The following CIDEA variants were observed in gnomAD, a reference collection of about 807,000 sequenced individuals.
CIDEA encodes the protein lipid transferase CIDEA.
In CIDEA, 10 loss-of-function variants were observed where a neutral mutation model predicts 18.2. The observed-to-expected ratio is 0.55, with a 90% CI of 0.34 to 0.93. The LOEUF (loss-of-function observed/expected upper bound fraction) is 0.93, where lower values mean the gene tolerates loss of function less well. Ranked by LOEUF, CIDEA falls within the 40% of genes least tolerant of loss-of-function variation. The probability of loss-of-function intolerance (pLI) is 0.02; values close to 1 mark genes in which losing one functional copy is unlikely to be tolerated. For missense variants in CIDEA, 309 were observed against 293.1 expected, an observed-to-expected ratio of 1.05 and a Z score of -0.40; for synonymous variants, 128 against 124.8, an observed-to-expected ratio of 1.03 and a Z score of -0.17.
intron 1 of CIDEA, among the ~76,000 whole-genome samples, chr18:12,256,666 AT>A (rs1912044729): frequency 1.3e-5 from 2 of 152,266 alleles, no homozygotes; most frequent in South Asian, 4.1e-4. Context: ...TATCTAGCAC[AT>A]TTTTCCTTTC....
At chr18:12,255,030 G>A (rs775124827) in intron 1 of CIDEA, 3 of 976,030 alleles carry the variant, frequency 3.1e-6, no homozygotes, top group Non-Finnish European at 1.3e-6. Context: ...GGGAGCAGGG[G>A]GGACAAGGGG....
chr18:12,264,437 G>T lies in CIDEA; in HGVS notation c.314G>T (p.Gly105Val), dbSNP rs749676549. 3.1e-6 allele frequency: 5 copies of T among 1,613,820 alleles called. No homozygotes were observed. Among genetic ancestry groups the T allele is most frequent in the Admixed American group, 1.7e-5 (1 of 59,978 alleles). Residue 105 changes from glycine (G) to valine (V), a missense_variant, in exon 3 of 5, where the codon GGA becomes GTA. Physicochemically the swap from Gly to Val is moderately radical, Grantham distance 109. Coordinates refer to ENST00000320477, the MANE Select transcript of CIDEA (RefSeq NM_001279.4). ...DNTHFMILEK[G>V]QKWMPGSQHV... ...ACGCATTTCATGATCTTGGAAAAAGGACAGAAGTGGATGCCGGTAAGCAAA... is the reference window on the plus strand; with the variant it reads ...ACGCATTTCATGATCTTGGAAAAAGTACAGAAGTGGATGCCGGTAAGCAAA...
chr18:12,273,914 A>C (rs1057424268), intron 3 of CIDEA, among the ~76,000 whole-genome samples, 179 bp from the exon 4 acceptor site: 12 of 152,226 alleles, frequency 7.9e-5, no homozygotes, highest in South Asian at 2.1e-4. Context: ...CTAATTGGAC[A>C]CAGTCGTAGT....
At chr18:12,256,456 G>A (rs1179120452) in intron 1 of CIDEA, among the ~76,000 whole-genome samples, 1 of 152,226 alleles carries the variant, frequency 6.6e-6, no homozygotes, top group Admixed American at 6.5e-5. Context: ...ATCGTTAGGG[G>A]CCTTGGTCCT....
At chr18:12,261,077 T>A (rs947257326) in intron 1 of CIDEA, among the ~76,000 whole-genome samples, 1 of 152,198 alleles carries the variant, frequency 6.6e-6, no homozygotes, top group African/African-American at 2.4e-5. Context: ...TTGTTATGAA[T>A]CTATTTCTGA....
chr18:12,271,687 C>T (rs1192656355), intron 3 of CIDEA, among the ~76,000 whole-genome samples: 1 of 152,080 alleles, frequency 6.6e-6, no homozygotes, highest in East Asian at 1.9e-4. Context: ...TAGATGCCAC[C>T]GCCGGCCACG....
chr18:12,274,279 C>T lies in CIDEA; in HGVS notation c.512+5C>T. On this transcript the variant is annotated splice_donor_5th_base_variant and intron_variant, in intron 4 of 4. Transcript: ENST00000320477. ...GGGACTCAAGGGCCTGCTGAGGTAA[C>T]ACACTCCAGGGGTCACCTCCGGGGG... The T allele has an allele frequency of 6.2e-7, 1 of 1,613,970 alleles. No homozygotes were observed.
intron 1 of CIDEA, among the ~76,000 whole-genome samples, chr18:12,256,772 G>A (rs1401926314): frequency 6.6e-6 from 1 of 152,156 alleles, no homozygotes; most frequent in Non-Finnish European, 1.5e-5. Context: ...TATGCTACAA[G>A]TCAATCTCTC....
At position 12,264,336 on chromosome 18, in the gene CIDEA, A is replaced by G. The variant is rs142556726; in HGVS notation, c.213A>G (p.Gly71=). Residue 71 remains glycine, a synonymous_variant, in exon 3 of 5, where the codon GGA becomes GGG. Transcript: ENST00000320477. ...KTLDALVIAT[G]LVTLVLEEDG... ...TGGATGCCCTCGTCATCGCTACCGG[A>G]CTGGTCACTCTGGTGCTGGAGGAAG... 4 of 1,613,562 alleles carry G rather than the reference A, an allele frequency of 2.5e-6. No homozygotes were observed. Among genetic ancestry groups the G allele is most frequent in the Non-Finnish European group, 3.4e-6 (4 of 1,179,766 alleles).
At chr18:12,270,122 A>G (rs1451590315) in intron 3 of CIDEA, among the ~76,000 whole-genome samples, 1 of 152,180 alleles carries the variant, frequency 6.6e-6, no homozygotes, top group East Asian at 1.9e-4. Context: ...TTAACAATAT[A>G]ATGTTTGAGA....
At chr18:12,266,666 A>C (rs1188967253) in intron 3 of CIDEA, among the ~76,000 whole-genome samples, 1 of 152,196 alleles carries the variant, frequency 6.6e-6, no homozygotes, top group Non-Finnish European at 1.5e-5. Flanking sequence ...GGGGAACACG[A>C]AGGATGTTAG....
At chr18:12,274,001 A>C (rs1426140008) in intron 3 of CIDEA, 92 bp from the exon 4 acceptor site, 1 of 1,387,790 alleles carries the variant, frequency 7.2e-7, no homozygotes, top group Non-Finnish European at 9.9e-7. Context: ...AAACAGACAC[A>C]TAGGAGAATC....
At chr18:12,274,335 A>AG in intron 4 of CIDEA, 61 bp downstream of exon 4, 1 of 1,524,982 alleles carries the variant, frequency 6.6e-7, no homozygotes, top group Non-Finnish European at 9.0e-7. Context: ...TGGCACAGGC[A>AG]GCAGTCCCCA....
chr18:12,254,677 A>T, intron 1 of CIDEA: 2 of 1,521,240 alleles, frequency 1.3e-6, no homozygotes, highest in East Asian at 2.6e-5. Context: ...CACAGGTACC[A>T]GGTGTGGCTC....
chr18:12,257,680 C>T (rs1912075861), intron 1 of CIDEA, among the ~76,000 whole-genome samples: 2 of 152,226 alleles, frequency 1.3e-5, no homozygotes, highest in Admixed American at 6.5e-5. Flanking sequence ...AGCCTACTTC[C>T]TTAAACAAAC....
intron 3 of CIDEA, among the ~76,000 whole-genome samples, chr18:12,273,813 G>A (rs1301164724): frequency 6.6e-6 from 1 of 152,200 alleles, no homozygotes; most frequent in Non-Finnish European, 1.5e-5. Flanking sequence ...TATCCACTGA[G>A]CAACGGGGTC....
intron 3 of CIDEA, among the ~76,000 whole-genome samples, chr18:12,272,065 C>G (rs950857764): frequency 8.0e-4 from 119 of 149,344 alleles, no homozygotes; most frequent in African/African-American, 2.7e-3. Context: ...GCTTTCCAAA[C>G]ACGTTTCCCG....
chr18:12,263,049 C>A, intron 2 of CIDEA, 80 bp downstream of exon 2: 1 of 1,454,460 alleles, frequency 6.9e-7, no homozygotes. Context: ...GGGCTCTAAG[C>A]CAGGGCCAGC....
At chr18:12,262,235 C>T (rs1178524107) in intron 1 of CIDEA, among the ~76,000 whole-genome samples, 1 of 152,010 alleles carries the variant, frequency 6.6e-6, no homozygotes, top group Non-Finnish European at 1.5e-5. Context: ...TCCAAAGTGT[C>T]CTGTGATGTA....
Sources: gnomAD v4.1 joint callset for allele counts (sites outside exome capture counted in the v4.1 genomes callset) on GRCh38, gnomAD v4.1.1 for gene constraint, MANE v1.5 for transcripts, NCBI Gene and HGNC (gene_info 2026-07-23, HGNC 2026-07-21) for gene names.